GPR176: variants seen among roughly 807,000 people sequenced by gnomAD.
The protein encoded by GPR176 is G protein-coupled receptor 176.
In GPR176, 26 loss-of-function variants were observed where a neutral mutation model predicts 35.4. The ratio of observed to expected loss-of-function variants is 0.74; its 90% CI spans 0.54 to 1.02. The LOEUF is 1.02. Among genes scored for constraint, GPR176 ranks in the 50% least tolerant of loss-of-function variants. GPR176 has a pLI of 0.00. For synonymous variants in GPR176, 278 were observed against 271.3 expected (o/e 1.02, Z -0.24); for missense variants, 597 against 665.3 (o/e 0.90, Z 1.13).
At chr15:39,888,286 TTTTTG>T (rs369082380) in intron 1 of GPR176, among the ~76,000 whole-genome samples, 9 of 152,184 alleles carry the variant, frequency 5.9e-5, no homozygotes, top group South Asian at 2.1e-4. Flanking sequence ...TTATTTGTTT[TTTTTG>T]TTTGTTTGTT....
At chr15:39,862,833 AT>A (rs1282207135) in intron 1 of GPR176, among the ~76,000 whole-genome samples, 2 of 151,110 alleles carry the variant, frequency 1.3e-5, no homozygotes, top group Non-Finnish European at 2.9e-5. Context: ...TTTAATCTTT[AT>A]TTTAGAGTGT....
At chr15:39,904,968 A>C (rs2140873587) in intron 1 of GPR176, among the ~76,000 whole-genome samples, 1 of 152,308 alleles carries the variant, frequency 6.6e-6, no homozygotes, top group South Asian at 2.1e-4. Context: ...GCCACTCACA[A>C]CACCATCAGC....
At chr15:39,901,817 T>C (rs775674984) in intron 1 of GPR176, among the ~76,000 whole-genome samples, 6 of 151,820 alleles carry the variant, frequency 4.0e-5, no homozygotes, top group Non-Finnish European at 4.4e-5. Flanking sequence ...CTCACACCTG[T>C]AATCCCAGCA....
intron 1 of GPR176, among the ~76,000 whole-genome samples, chr15:39,826,794 A>T (rs1900689987): frequency 6.6e-6 from 1 of 152,196 alleles, no homozygotes; most frequent in Non-Finnish European, 1.5e-5. Context: ...AGTCCCAAAG[A>T]TGCCATCAGA....
At chr15:39,886,812 C>T (rs275737) in intron 1 of GPR176, among the ~76,000 whole-genome samples, 13,458 of 152,186 alleles carry the variant, frequency 0.088, 982 homozygotes, top group Admixed American at 0.21. Context: ...CAAGGTGTCA[C>T]ATAATAGTGA....
intron 1 of GPR176, among the ~76,000 whole-genome samples, chr15:39,903,684 G>C (rs75196059): frequency 1.0e-3 from 159 of 152,200 alleles, no homozygotes; most frequent in African/African-American, 3.7e-3. Context: ...AGCCAAAGCA[G>C]ATGCTGATGT....
At chr15:39,820,327 G>A (rs1595447929) in intron 1 of GPR176, among the ~76,000 whole-genome samples, 1 of 152,110 alleles carries the variant, frequency 6.6e-6, no homozygotes, top group African/African-American at 2.4e-5. Flanking sequence ...GCAAGGTCAA[G>A]AATAGAACAC....
chr15:39,866,850 G>A (rs184334894), intron 1 of GPR176, among the ~76,000 whole-genome samples: 3 of 152,250 alleles, frequency 2.0e-5, no homozygotes, highest in Admixed American at 1.3e-4. Context: ...TGAGGAAGGT[G>A]GACTGTCCAA....
intron 1 of GPR176, among the ~76,000 whole-genome samples, chr15:39,814,444 T>C (rs1899766777): frequency 6.6e-6 from 1 of 152,242 alleles, no homozygotes; most frequent in Non-Finnish European, 1.5e-5. Flanking sequence ...TATTCTTTAT[T>C]CCTAGTATTC....
intron 1 of GPR176, among the ~76,000 whole-genome samples, chr15:39,880,421 C>G (rs2032429222): frequency 6.6e-6 from 1 of 152,148 alleles, no homozygotes; most frequent in Admixed American, 6.5e-5. Context: ...CTTAAACCTG[C>G]TTGTTAAAAG....
At chr15:39,918,614 T>C (rs1436245699) in intron 1 of GPR176, among the ~76,000 whole-genome samples, 2 of 152,166 alleles carry the variant, frequency 1.3e-5, no homozygotes, top group East Asian at 3.8e-4. Flanking sequence ...ACATAGGCTT[T>C]TGCTTTGCTA....
In GPR176 at chr15:39,827,356, G is replaced by A. The variant is rs372816387; in HGVS notation, c.173-20098C>T. 9.3e-4 allele frequency among the ~76,000 whole-genome samples: 141 copies of A among 152,292 alleles called. 1 individual carries two copies. The highest frequency in any genetic ancestry group is 3.1e-3 in the African/African-American group (130 of 41,562). On this transcript the variant is annotated intron_variant, in intron 1 of 2. Coordinates refer to ENST00000561100, the MANE Select transcript of GPR176 (RefSeq NM_007223.3). Reference sequence around the variant, plus strand: ...CTGTGCCCTCTCCAGACTGGCCAGAGCCACTCCATGGTCAGTGGTCTCTTA... The same window carrying A: ...CTGTGCCCTCTCCAGACTGGCCAGAACCACTCCATGGTCAGTGGTCTCTTA...
intron 1 of GPR176, among the ~76,000 whole-genome samples, chr15:39,870,916 T>C (rs912453913): frequency 6.6e-6 from 1 of 152,038 alleles, no homozygotes; most frequent in Non-Finnish European, 1.5e-5. Context: ...GCCAACAACT[T>C]GAATGGGCTT....
At chr15:39,874,122 A>C (rs1388338523) in intron 1 of GPR176, among the ~76,000 whole-genome samples, 1 of 152,196 alleles carries the variant, frequency 6.6e-6, no homozygotes, top group East Asian at 1.9e-4. Context: ...GTTTCCACCA[A>C]ACAGGTGGGT....
chr15:39,849,770 C>A, intron 1 of GPR176, among the ~76,000 whole-genome samples: 1 of 152,036 alleles, frequency 6.6e-6, no homozygotes, highest in East Asian at 1.9e-4. Context: ...TTACAGAACA[C>A]CAATAGCTAA....
chr15:39,843,279 G>A (rs189411576), intron 1 of GPR176, among the ~76,000 whole-genome samples: 62 of 152,154 alleles, frequency 4.1e-4, no homozygotes, highest in Non-Finnish European at 7.9e-4. Flanking sequence ...AGAGGCTGAT[G>A]TCCTCCAAGT....
intron 1 of GPR176, among the ~76,000 whole-genome samples, chr15:39,914,309 CTTT>C (rs5812146): frequency 2.8e-5 from 2 of 71,156 alleles, no homozygotes; most frequent in Non-Finnish European, 2.7e-5. Flanking sequence ...ATATCTTATT[CTTT>C]TTTTTTTTTT....
intron 1 of GPR176, among the ~76,000 whole-genome samples, chr15:39,856,729 T>C (rs1349268393): frequency 6.6e-6 from 1 of 152,238 alleles, no homozygotes; most frequent in Non-Finnish European, 1.5e-5. Context: ...TTCTATTGAT[T>C]AGAAGTGGGT....
chr15:39,892,318 T>C (rs140812784), intron 1 of GPR176, among the ~76,000 whole-genome samples: 1 of 144,746 alleles, frequency 6.9e-6, no homozygotes, highest in East Asian at 2.0e-4. Context: ...ACAGTAGGCA[T>C]GGGAAGCCTA....
Sources: allele counts gnomAD v4.1 joint callset (sites outside exome capture counted in the v4.1 genomes callset), GRCh38; gene constraint gnomAD v4.1.1; transcripts MANE v1.5; gene names NCBI Gene and HGNC (gene_info 2026-07-23, HGNC 2026-07-21).